The following COL6A3 variants were observed in gnomAD, a reference collection of about 807,000 sequenced individuals.
COL6A3 encodes the protein collagen type VI alpha 3 chain.
Under a neutral mutation model 274.1 loss-of-function variants are expected in COL6A3, and 137 were observed. The observed-to-expected ratio is 0.50, with a 90% CI of 0.44 to 0.58. The LOEUF is 0.58. Ranked by LOEUF, COL6A3 falls within the 20% of genes least tolerant of loss-of-function variation. The pLI is 0.00. For missense variants in COL6A3, 3,950 were observed against 4,124.9 expected (o/e 0.96, Z 1.16); for synonymous variants, 1,650 against 1,650.6 (o/e 1.00, Z 0.01).
intron 32 of COL6A3, among the ~76,000 whole-genome samples, chr2:237,346,131 T>C (rs1047869802): frequency 1.3e-5 from 2 of 152,166 alleles, no homozygotes; most frequent in Non-Finnish European, 2.9e-5. Context: ...ACAGGAAGCA[T>C]TGTCAAACCA....
rs780489910 is a variant in COL6A3, at chr2:237,363,347, C to T, written c.5969G>A (p.Arg1990Gln). Reference protein sequence around the residue: ...VGLERVVNLERLMHLEFGRGF... With the variant: ...VGLERVVNLEQLMHLEFGRGF... ...TCGCCCAAACTCCAGATGCATTAGC[C>T]GCTCCAAGTTGACCACTCGTTCAAG... The change falls in exon 14 of 44, where the codon CGG (arginine) becomes CAG (glutamine). Residue 1990 changes from arginine to glutamine, a missense_variant. Physicochemically the swap from Arg to Gln is conservative, Grantham distance 43. Around this residue, in one of 5 missense-constraint regions of COL6A3, gnomAD observed 632 missense variants for 623.4 expected, o/e 1.01. Transcript: ENST00000295550. 33 of 1,614,000 alleles carry T rather than the reference C, an allele frequency of 2.0e-5. No individual in the cohort carries two copies. Among genetic ancestry groups the T allele is most frequent in the East Asian group, 4.5e-5 (2 of 44,896 alleles).
chr2:237,366,858 C>T lies in COL6A3; in HGVS notation c.5329G>A (p.Gly1777Arg). The T allele has an allele frequency of 6.2e-7, 1 of 1,614,260 alleles. No individual in the cohort carries two copies. The highest frequency in any genetic ancestry group is 8.5e-7 in the Non-Finnish European group (1 of 1,180,052). Residue 1777 changes from glycine (G) to arginine (R), a missense_variant, in exon 11 of 44, where the codon GGA (glycine) becomes AGA (arginine). By Grantham distance (125) the Gly-to-Arg change is moderately radical. This residue lies in a region of COL6A3 where 632 missense variants were observed against 623.4 expected (regional missense o/e 1.01). Coordinates refer to ENST00000295550, the MANE Select transcript of COL6A3 (RefSeq NM_004369.4). ...TQRGVKVFAV[G>R]VRNIDSEEVG... ...TCCTCCGAGTCGATATTCCTCACTC[C>T]AACAGCAAACACTTTGACCCCCCTC...
At chr2:237,387,471 G>A (rs1022110881) in intron 4 of COL6A3, 111 bp downstream of exon 4, 10 of 1,511,576 alleles carry the variant, frequency 6.6e-6, no homozygotes, top group Middle Eastern at 2.1e-4. Flanking sequence ...TGGACTGTGG[G>A]TACTTACAGC....
chr2:237,364,473 G>T lies in COL6A3; in HGVS notation c.5839-45C>A. The T allele has an allele frequency of 6.9e-7, 1 of 1,457,260 alleles. No homozygotes were observed. The highest frequency in any genetic ancestry group is 9.6e-7 in the Non-Finnish European group (1 of 1,038,286). 90.3% of individuals were successfully genotyped at this position (1,457,260 alleles called of 1,614,324 possible). A position where few individuals can be genotyped will look rare whatever the true frequency, so the allele number is the denominator to read the frequency against. ...CAAATCCCAGGAAAACTAAAAAGGA[G>T]TGTTGCAGACTGCTGATAGAAAACT... On this transcript the variant is annotated intron_variant, in intron 12 of 43. Coordinates refer to ENST00000295550, the MANE Select transcript of COL6A3 (RefSeq NM_004369.4). This position sits in a 1 kb window ranked among gnomAD's most constrained non-coding sequence, Gnocchi z 4.6.
intron 40 of COL6A3, among the ~76,000 whole-genome samples, chr2:237,335,545 G>A (rs921768804): frequency 3.3e-5 from 5 of 152,112 alleles, no homozygotes; most frequent in East Asian, 3.9e-4. Context: ...TTTGAGCCTT[G>A]GGGAATGACT....
rs1362702190 is a variant in COL6A3, at chr2:237,381,143, T to C, written c.1669A>G (p.Thr557Ala). 1.9e-6 allele frequency: 3 copies of C among 1,614,096 alleles called. No homozygotes were observed. The Admixed American group carries it at 5.0e-5, about 27-fold the overall frequency. The change falls in exon 5 of 44, where the codon ACA becomes GCA. Residue 557 changes from threonine to alanine, a missense_variant. By Grantham distance (58) the Thr-to-Ala change is moderately conservative. This residue lies in a region of COL6A3 where 1,934 missense variants were observed against 1,984.3 expected (regional missense o/e 0.97). Transcript: ENST00000295550. ...EGIPKLLVLI[T>A]GGKSLDEISQ... is the part of the protein sequence containing the mutation. Reference sequence around the variant, plus strand: ...ATTTCATCTAGGGACTTACCACCTGTGATCAGCACCAAAAGCTTAGGAATC... The same window carrying C: ...ATTTCATCTAGGGACTTACCACCTGCGATCAGCACCAAAAGCTTAGGAATC...
In COL6A3 at chr2:237,374,866, C is replaced by T. The variant is rs948677481; in HGVS notation, c.3225G>A (p.Arg1075=). ...AATTCAGGTAGAACTCGGGCCTGGT[C>T]CGGTCGCTGTACTGCACCACGGCCA... ...VRVAVVQYSD[R]TRPEFYLNSY... is the part of the protein sequence containing the mutation. Residue 1075 remains arginine, a synonymous_variant, in exon 8 of 44, where the codon CGG becomes CGA. Coordinates refer to ENST00000295550, the MANE Select transcript of COL6A3 (RefSeq NM_004369.4). This position sits in a 1 kb window ranked among gnomAD's most constrained non-coding sequence, Gnocchi z 4.8. The T allele has an allele frequency of 6.2e-7, 1 of 1,613,984 alleles. No individual in the cohort carries two copies.
chr2:237,328,848 T>C (rs1245598502), intron 42 of COL6A3: 1 of 152,174 alleles, frequency 6.6e-6, no homozygotes, highest in Non-Finnish European at 1.5e-5. Flanking sequence ...GCTGCAATCA[T>C]CAACATGTTC....
rs2077852787 is a variant in COL6A3, at chr2:237,376,793, G to T, written c.3049C>A (p.His1017Asn). 6.2e-7 allele frequency: 1 copy of T among 1,614,064 alleles called. No individual in the cohort carries two copies. Among genetic ancestry groups the T allele is most frequent in the Admixed American group, 1.7e-5 (1 of 59,996 alleles). The change falls in exon 7 of 44, where the codon CAC becomes AAC. Residue 1017 changes from histidine (H) to asparagine (N), a missense_variant. Coordinates refer to ENST00000295550, the MANE Select transcript of COL6A3 (RefSeq NM_004369.4). The stretch of plus-strand genomic sequence containing the variant: ...ATACCTGGTGCTGGTGCTCCGTTGT[G>T]CACTGATTTTAAGAGATTCACTATC... Reference protein sequence around the residue: ...PQIVNLLKSVHNGAPAPVSGE... With the variant: ...PQIVNLLKSVNNGAPAPVSGE...
rs1252558606 is a variant in COL6A3 at position 237,374,497 on chromosome 2, T to A, written c.3594A>T (p.Gln1198His). ...IPTFRQLGTVQQVISERVTQL... is the reference protein window; with the variant it reads ...IPTFRQLGTVHQVISERVTQL... ...GGGTCACCCTCTCAGAGATGACCTGTTGGACGGTCCCCAGCTGGCGAAAGG... is the reference window on the plus strand; with the variant it reads ...GGGTCACCCTCTCAGAGATGACCTGATGGACGGTCCCCAGCTGGCGAAAGG... The change falls in exon 8 of 44, where the codon CAA (glutamine) becomes CAT (histidine). Residue 1198 changes from glutamine (Q) to histidine (H), a missense_variant. Gln to His is a conservative substitution (Grantham distance 24). Transcript: ENST00000295550. The surrounding 1 kb of genome is among the most constrained non-coding windows in gnomAD (Gnocchi z 4.8). 6.2e-7 allele frequency: 1 copy of A among 1,614,144 alleles called. No homozygotes were observed. The highest frequency in any genetic ancestry group is 2.2e-5 in the East Asian group (1 of 44,870).
chr2:237,341,635 T>C (rs1241545184), intron 37 of COL6A3, among the ~76,000 whole-genome samples: 1 of 150,066 alleles, frequency 6.7e-6, no homozygotes, highest in Non-Finnish European at 1.5e-5. Flanking sequence ...TCAGTTTCTA[T>C]CACCTAATAC....
chr2:237,332,078 TATATATATATATATATATATATATATATA>T (rs1700268141), intron 42 of COL6A3, among the ~76,000 whole-genome samples: 1 of 9,144 alleles, frequency 1.1e-4, no homozygotes, highest in South Asian at 3.4e-3. Flanking sequence ...TACATATATA[TATATATATATATATATATATATATATATA>T]TATATATATA....
At chr2:237,335,276 T>C (rs1325071111) in intron 40 of COL6A3, among the ~76,000 whole-genome samples, 2 of 152,232 alleles carry the variant, frequency 1.3e-5, no homozygotes, top group African/African-American at 4.8e-5. Context: ...TTTAAAGGAA[T>C]TCTGCTTTCT....
intron 1 of COL6A3, among the ~76,000 whole-genome samples, chr2:237,399,374 T>G (rs998302994): frequency 2.2e-4 from 33 of 152,210 alleles, no homozygotes; most frequent in African/African-American, 7.5e-4. Context: ...ATGCCTCTCT[T>G]CCAGCCCTCT....
At chr2:237,348,736 G>A (rs547463780) in intron 28 of COL6A3, 73 bp from the exon 29 acceptor site, 22 of 1,367,814 alleles carry the variant, frequency 1.6e-5, no homozygotes, top group East Asian at 9.2e-5. Context: ...CTGCCCTGCC[G>A]CTGCCCCTGA....
intron 1 of COL6A3, among the ~76,000 whole-genome samples, chr2:237,400,125 G>A (rs2078552841): frequency 2.0e-5 from 3 of 152,176 alleles, no homozygotes; most frequent in African/African-American, 7.2e-5. Context: ...ATAATCTAGG[G>A]AGATTGAGTT....
In COL6A3 at chr2:237,361,250, C is replaced by G; in HGVS notation, c.6157-76G>C. 1.5e-6 allele frequency: 2 copies of G among 1,370,760 alleles called. No homozygotes were observed. Among genetic ancestry groups the G allele is most frequent in the Non-Finnish European group, 2.1e-6 (2 of 960,950 alleles). The allele number at this position is 1,370,760 out of a possible 1,614,324, so 84.9% of individuals were successfully genotyped here. The stretch of plus-strand genomic sequence containing the variant: ...CTACAGTAAGAATCCCTGTGGTCCC[C>G]CTTCATTTGGCAGAGCAGCACTAAA... On this transcript the variant is annotated intron_variant, in intron 15 of 43. Coordinates refer to ENST00000295550, the MANE Select transcript of COL6A3 (RefSeq NM_004369.4). This position sits in a 1 kb window ranked among gnomAD's most constrained non-coding sequence, Gnocchi z 5.1.
intron 10 of COL6A3, 152 bp from the exon 11 acceptor site, chr2:237,367,438 G>A: frequency 1.1e-6 from 1 of 901,552 alleles, no homozygotes; most frequent in Non-Finnish European, 1.6e-6. Context: ...TCTTTAGCCT[G>A]TAGTTCCTGA....
chr2:237,325,731 T>C lies in COL6A3; in HGVS notation c.9329-7A>G. On this transcript the variant is annotated splice_polypyrimidine_tract_variant and splice_region_variant and intron_variant, in intron 42 of 43. Coordinates refer to ENST00000295550, the MANE Select transcript of COL6A3 (RefSeq NM_004369.4). ...TTCGGCAACTTGCATATATCTTTAA[T>C]AAAAACATGAGAAAAGGATATTAAT... 1 of 1,612,284 alleles carries C rather than the reference T, an allele frequency of 6.2e-7. No individual in the cohort carries two copies. The highest frequency in any genetic ancestry group is 8.5e-7 in the Non-Finnish European group (1 of 1,179,224).
Sources: allele counts gnomAD v4.1 joint callset (sites outside exome capture counted in the v4.1 genomes callset), GRCh38; gene constraint gnomAD v4.1.1; regional missense constraint gnomAD v4.1.1; non-coding constraint Gnocchi (gnomAD v3.1); transcripts MANE v1.5; gene names NCBI Gene and HGNC (gene_info 2026-07-23, HGNC 2026-07-21).